Variants in NOC3L observed in about 807,000 individuals in gnomAD.
The protein encoded by NOC3L is NOC3 like DNA replication regulator, also known as nucleolar complex protein 3 homolog.
Under a neutral mutation model 102.5 loss-of-function variants are expected in NOC3L, and 85 were observed. That is an observed-to-expected ratio of 0.83 (90% CI 0.70 to 0.99). The LOEUF is 0.99. Among genes scored for constraint, NOC3L ranks in the 50% least tolerant of loss-of-function variants. The pLI is 0.00. For synonymous variants in NOC3L, 303 were observed against 309.4 expected (o/e 0.98, Z 0.22); for missense variants, 878 against 914.9 (o/e 0.96, Z 0.52).
At chr10:94,325,176 T>TAC in the NOC3L span, 1 of 1,076,006 alleles carries the variant, frequency 9.3e-7, no homozygotes, top group Non-Finnish European at 1.4e-6. Flanking sequence ...GCATAATTAG[T>TAC]ACAATGTCTT....
intron 10 of NOC3L, among the ~76,000 whole-genome samples, chr10:94,348,489 A>C (rs1017110365): frequency 2.0e-5 from 3 of 152,074 alleles, no homozygotes; most frequent in African/African-American, 4.8e-5. Context: ...ACCTAAAAAA[A>C]GTGCCTGGCA....
intron 6 of NOC3L, among the ~76,000 whole-genome samples, 182 bp from the exon 7 acceptor site, chr10:94,353,239 G>GT (rs1483915193): frequency 1.3e-5 from 2 of 152,184 alleles, no homozygotes; most frequent in Non-Finnish European, 2.9e-5. Context: ...AAGTCATAAA[G>GT]TAATTGTATT....
In NOC3L at chr10:94,361,559, G is replaced by T. The variant is rs1233386030; in HGVS notation, c.217+106C>A. The stretch of plus-strand genomic sequence containing the variant: ...CTACTATCCTTACCCACTCTAGGAA[G>T]ATCTGAGAACAAGAAAAGCGATTAC... On this transcript the variant is annotated intron_variant, in intron 2 of 20. Coordinates refer to ENST00000371361, the MANE Select transcript of NOC3L (RefSeq NM_022451.11). 5 of 1,035,128 alleles carry T rather than the reference G, an allele frequency of 4.8e-6. No individual in the cohort carries two copies. In the East Asian group the frequency reaches 7.1e-5, roughly 15 times the overall value. 64.1% of individuals were successfully genotyped at this position (1,035,128 alleles called of 1,614,324 possible).
chr10:94,354,567 T>C (rs1417027099), intron 6 of NOC3L, among the ~76,000 whole-genome samples: 1 of 152,216 alleles, frequency 6.6e-6, no homozygotes, highest in East Asian at 1.9e-4. Context: ...AACTTACAAA[T>C]ATTCCTGAAC....
chr10:94,324,303 T>C, the NOC3L span: 4 of 1,454,508 alleles, frequency 2.8e-6, no homozygotes. Flanking sequence ...ATGCAAATGT[T>C]GGAGATTCTG....
Position 94,333,996 on chromosome 10 carries a change from T to C in NOC3L, c.*181A>G. The stretch of plus-strand genomic sequence containing the variant: ...AAGGCTTTTGATCTCCTTGATGGAA[T>C]GACATATTCAGAATAGGGGCAGAAC... On this transcript the variant is annotated 3_prime_UTR_variant, in exon 21 of 21. Coordinates refer to ENST00000371361, the MANE Select transcript of NOC3L (RefSeq NM_022451.11). 2.5e-6 allele frequency: 1 copy of C among 392,346 alleles called. No homozygotes were observed. Among genetic ancestry groups the C allele is most frequent in the Non-Finnish European group, 4.5e-6 (1 of 221,744 alleles). 24.3% of individuals were successfully genotyped at this position (392,346 alleles called of 1,614,324 possible).
the NOC3L span, among the ~76,000 whole-genome samples, chr10:94,320,183 TAAGC>T: frequency 6.6e-6 from 1 of 152,134 alleles, no homozygotes; most frequent in Non-Finnish European, 1.5e-5. Flanking sequence ...GACATATTAT[TAAGC>T]AAGTTGTAAA....
At position 94,343,730 on chromosome 10, in the gene NOC3L, C is replaced by A. The variant is rs150744674; in HGVS notation, c.1571+685G>T. ...TTCGAAAATATGTTATGAAAAAACA[C>A]CAAACAACTCATTAATGTTTAATAT... On this transcript the variant is annotated intron_variant, in intron 13 of 20. Coordinates refer to ENST00000371361, the MANE Select transcript of NOC3L (RefSeq NM_022451.11). Among the ~76,000 whole-genome samples, 584 of 152,212 alleles carry A rather than the reference C, an allele frequency of 3.8e-3. 2 individuals are homozygous for A. Among genetic ancestry groups the A allele is most frequent in the African/African-American group, 0.013 (555 of 41,516 alleles).
the NOC3L span, among the ~76,000 whole-genome samples, chr10:94,317,824 T>C: frequency 6.6e-6 from 1 of 152,170 alleles, no homozygotes. Flanking sequence ...TCATGCGTCA[T>C]GACATGTTGA....
chr10:94,338,181 T>C (rs554360720), intron 18 of NOC3L, among the ~76,000 whole-genome samples: 2 of 152,334 alleles, frequency 1.3e-5, no homozygotes, highest in South Asian at 2.1e-4. Flanking sequence ...ACCTGCCACT[T>C]CTATTTTCTA....
chr10:94,361,147 T>C (rs1039966153), intron 2 of NOC3L, among the ~76,000 whole-genome samples: 5 of 152,266 alleles, frequency 3.3e-5, no homozygotes, highest in African/African-American at 7.2e-5. Flanking sequence ...AAAATAGTCA[T>C]ATTCCTTACA....
chr10:94,337,029 A>G (rs1208635041), intron 19 of NOC3L, among the ~76,000 whole-genome samples: 1 of 150,046 alleles, frequency 6.7e-6, no homozygotes, highest in Non-Finnish European at 1.5e-5. Context: ...AAATTGCGCC[A>G]TTGCACTCCA....
chr10:94,337,318 ATT>A (rs965241110), intron 19 of NOC3L, among the ~76,000 whole-genome samples: 1 of 142,642 alleles, frequency 7.0e-6, no homozygotes, highest in Non-Finnish European at 1.5e-5. Context: ...CCCTCTCCTC[ATT>A]TTTTTTTTCT....
intron 1 of NOC3L, 113 bp downstream of exon 1, chr10:94,362,717 A>C: frequency 8.3e-7 from 1 of 1,198,748 alleles, no homozygotes; most frequent in Non-Finnish European, 1.2e-6. Flanking sequence ...CCCCAGTCTA[A>C]ACCACCGCCC....
At chr10:94,353,082 C>G in intron 6 of NOC3L, 25 bp from the exon 7 acceptor site, 1 of 1,565,122 alleles carries the variant, frequency 6.4e-7, no homozygotes, top group Non-Finnish European at 8.7e-7. Context: ...GCTTATAAAG[C>G]TGGAGAAATC....
chr10:94,320,336 A>G, the NOC3L span, among the ~76,000 whole-genome samples: 117 of 151,936 alleles, frequency 7.7e-4, no homozygotes, highest in Middle Eastern at 6.8e-3. Flanking sequence ...AAAAAAGTTA[A>G]AATAGATTAT....
intron 8 of NOC3L, 80 bp from the exon 9 acceptor site, chr10:94,350,368 A>AT (rs2054400176): frequency 8.3e-7 from 1 of 1,200,800 alleles, no homozygotes; most frequent in South Asian, 1.3e-5. Context: ...ATCAATGTAC[A>AT]TTTTAACACA....
chr10:94,344,605 T>C (rs1261356586), intron 12 of NOC3L, 90 bp from the exon 13 acceptor site: 20 of 896,716 alleles, frequency 2.2e-5, no homozygotes, highest in Non-Finnish European at 3.1e-5. Flanking sequence ...AGGTTAACTT[T>C]TTTCCCTACC....
At chr10:94,358,242 G>A in intron 2 of NOC3L, 27 bp from the exon 3 acceptor site, 1 of 1,109,708 alleles carries the variant, frequency 9.0e-7, no homozygotes, top group Non-Finnish European at 1.3e-6. Context: ...CACACACAAA[G>A]AAAAATTAGA....
Sources: allele counts gnomAD v4.1 joint callset (sites outside exome capture counted in the v4.1 genomes callset), GRCh38; gene constraint gnomAD v4.1.1; transcripts MANE v1.5; gene names NCBI Gene and HGNC (gene_info 2026-07-23, HGNC 2026-07-21).